Variants in ASXL3 observed in about 807,000 individuals in gnomAD.
The protein encoded by ASXL3 is putative Polycomb group protein ASXL3.
ASXL3 carries 34 observed loss-of-function variants against 170.6 expected under a neutral mutation model. The ratio of observed to expected loss-of-function variants is 0.20; its 90% CI spans 0.15 to 0.27. The LOEUF is 0.27. Among genes scored for constraint, ASXL3 ranks in the 10% least tolerant of loss-of-function variants. The pLI is 1.00. For missense variants in ASXL3, 2,592 were observed against 2,695.3 expected (o/e 0.96, Z 0.85); for synonymous variants, 1,002 against 989.1 (o/e 1.01, Z -0.24).
At chr18:33,729,907 ACCCTTCTGTCCAT>A (rs1189930694) in intron 8 of ASXL3, among the ~76,000 whole-genome samples, 1 of 152,064 alleles carries the variant, frequency 6.6e-6, no homozygotes, top group African/African-American at 2.4e-5. Flanking sequence ...CGTTCCCAAC[ACCCTTCTGTCCAT>A]CCCTTCCCTA....
At chr18:33,675,406 G>GT (rs141135113) in intron 7 of ASXL3, among the ~76,000 whole-genome samples, 74 of 152,242 alleles carry the variant, frequency 4.9e-4, no homozygotes, top group African/African-American at 1.5e-3. Flanking sequence ...TGGAAATGAG[G>GT]TTTTTTACTG....
At chr18:33,644,544 T>TTTATTTTA (rs765098492) in intron 2 of ASXL3, among the ~76,000 whole-genome samples, 12 of 151,374 alleles carry the variant, frequency 7.9e-5, no homozygotes, top group Admixed American at 3.3e-4. Context: ...AGCTAAGGCT[T>TTTATTTTA]CATGGTGTTA....
At chr18:33,626,876 C>T in intron 2 of ASXL3, 1 of 152,958 alleles carries the variant, frequency 6.5e-6, no homozygotes. Context: ...GTTTCAGACC[C>T]CGGCATGGCT....
In ASXL3 at chr18:33,737,953, T is replaced by G. The variant is rs139812868; in HGVS notation, c.1083-534T>G. The stretch of plus-strand genomic sequence containing the variant: ...GCAGATTTAAAAAATATATATTTTA[T>G]ACGTTATTTTGCTTTTCTGCTCATA... On this transcript the variant is annotated intron_variant, in intron 10 of 11. Transcript: ENST00000269197. Among the ~76,000 whole-genome samples, 275 of 152,278 alleles carry G rather than the reference T, an allele frequency of 1.8e-3. 2 individuals are homozygous for G. The highest frequency in any genetic ancestry group is 6.3e-3 in the African/African-American group (261 of 41,578).
intron 4 of ASXL3, among the ~76,000 whole-genome samples, chr18:33,656,982 A>G (rs2066094293): frequency 6.6e-6 from 1 of 152,284 alleles, no homozygotes. Context: ...AATTCAATGA[A>G]CATTAATAGA....
chr18:33,664,830 A>G (rs568970042), intron 5 of ASXL3, among the ~76,000 whole-genome samples: 4 of 152,324 alleles, frequency 2.6e-5, no homozygotes, highest in African/African-American at 9.6e-5. Flanking sequence ...GACGATTGAC[A>G]TGGAATATTT....
intron 4 of ASXL3, among the ~76,000 whole-genome samples, chr18:33,649,947 T>A (rs1295248415): frequency 6.6e-6 from 1 of 152,078 alleles, no homozygotes; most frequent in Non-Finnish European, 1.5e-5. Flanking sequence ...TTAGGCCATG[T>A]GTGCACTCAA....
chr18:33,605,537 A>G (rs2065237786), intron 1 of ASXL3: 1 of 151,830 alleles, frequency 6.6e-6, no homozygotes, highest in Non-Finnish European at 1.5e-5. Context: ...TCCTTTGTAG[A>G]GTAGGATGTG....
chr18:33,694,397 A>T (rs1029472687), intron 8 of ASXL3, among the ~76,000 whole-genome samples: 3 of 152,142 alleles, frequency 2.0e-5, no homozygotes, highest in African/African-American at 7.2e-5. Context: ...ATAAATGTCA[A>T]CTAAAGTGGA....
chr18:33,651,226 C>A (rs1035319341), intron 4 of ASXL3, among the ~76,000 whole-genome samples: 20 of 152,132 alleles, frequency 1.3e-4, no homozygotes, highest in African/African-American at 4.6e-4. Flanking sequence ...CACATGATTT[C>A]TTAAAATTCA....
At chr18:33,684,365 C>T (rs947071366) in intron 8 of ASXL3, among the ~76,000 whole-genome samples, 26 of 152,212 alleles carry the variant, frequency 1.7e-4, no homozygotes, top group African/African-American at 6.3e-4. Flanking sequence ...ATAGGTACAT[C>T]CATGAATTGA....
intron 4 of ASXL3, among the ~76,000 whole-genome samples, chr18:33,658,001 T>G (rs1433448614): frequency 6.6e-6 from 1 of 152,158 alleles, no homozygotes; most frequent in Non-Finnish European, 1.5e-5. Flanking sequence ...GCATTAGTTT[T>G]GTGATCATGC....
Position 33,740,231 on chromosome 18 carries a change from T to G in ASXL3, c.2827T>G (p.Ser943Ala), listed in dbSNP as rs1568362114. ...AGAAACCTCACATACTTCCAAGTCA[T>G]CAGAGCCCTCCAAGTCACCTGATGG... ...RLETSHTSKS[S>A]EPSKSPDGIR... The change falls in exon 11 of 12, where the codon TCA (serine) becomes GCA (alanine). Residue 943 changes from serine to alanine, a missense_variant. Ser to Ala is a moderately conservative substitution (Grantham distance 99, BLOSUM62 1). This residue lies in a region of ASXL3 where 2,246 missense variants were observed against 2,219.6 expected (regional missense o/e 1.01). Coordinates refer to ENST00000269197, the MANE Select transcript of ASXL3 (RefSeq NM_030632.3). The G allele has an allele frequency of 6.2e-7, 1 of 1,613,702 alleles. No individual in the cohort carries two copies. Among genetic ancestry groups the G allele is most frequent in the East Asian group, 2.2e-5 (1 of 44,876 alleles).
chr18:33,580,503 A>G (rs2064982790), intron 1 of ASXL3, among the ~76,000 whole-genome samples: 1 of 152,214 alleles, frequency 6.6e-6, no homozygotes, highest in South Asian at 2.1e-4. Flanking sequence ...TAAAAATAAT[A>G]AGTCATGAAT....
At chr18:33,667,325 G>A (rs1300732072) in intron 5 of ASXL3, among the ~76,000 whole-genome samples, 2 of 152,146 alleles carry the variant, frequency 1.3e-5, no homozygotes, top group African/African-American at 2.4e-5. Context: ...CCCTTTCCCA[G>A]TGAAATTTCT....
chr18:33,730,155 A>G (rs1435540789), intron 8 of ASXL3, among the ~76,000 whole-genome samples: 5 of 152,034 alleles, frequency 3.3e-5, no homozygotes, highest in South Asian at 4.1e-4. Context: ...TTTGTTGTCA[A>G]ATTGATAGGG....
chr18:33,584,225 G>A (rs2065016570), intron 1 of ASXL3, among the ~76,000 whole-genome samples: 1 of 152,084 alleles, frequency 6.6e-6, no homozygotes. Context: ...AGGTTCAGGG[G>A]GTGATGAGTG....
intron 2 of ASXL3, among the ~76,000 whole-genome samples, chr18:33,617,788 C>T (rs1227363522): frequency 6.6e-6 from 1 of 152,100 alleles, no homozygotes; most frequent in Non-Finnish European, 1.5e-5. Context: ...ATTGAACACT[C>T]TATAAATATT....
chr18:33,702,278 A>ATC (rs907262045), intron 8 of ASXL3, among the ~76,000 whole-genome samples: 8 of 150,842 alleles, frequency 5.3e-5, no homozygotes, highest in Admixed American at 3.3e-4. Flanking sequence ...GCATATCTGC[A>ATC]TCTCTCTCTC....
Sources: allele counts gnomAD v4.1 joint callset (sites outside exome capture counted in the v4.1 genomes callset), GRCh38; gene constraint gnomAD v4.1.1; regional missense constraint gnomAD v4.1.1; transcripts MANE v1.5; gene names NCBI Gene and HGNC (gene_info 2026-07-23, HGNC 2026-07-21).